The following DMD variants were observed in gnomAD, a reference collection of about 807,000 sequenced individuals.
DMD encodes the protein mutant dystrophin.
Under a neutral mutation model 330.1 loss-of-function variants are expected in DMD, and 63 were observed. That is an observed-to-expected ratio of 0.19 (90% confidence interval 0.16 to 0.24). DMD has a LOEUF of 0.24. Ranked by LOEUF, DMD falls within the 10% of genes least tolerant of loss-of-function variation. DMD has a pLI of 1.00. For synonymous variants in DMD, 1,223 were observed against 959.8 expected, an observed-to-expected ratio of 1.27 and a Z score of -5.07; for missense variants, 3,344 against 2,684.1, an observed-to-expected ratio of 1.25 and a Z score of -5.43.
intron 54 of DMD, among the ~76,000 whole-genome samples, chrX:31,631,110 G>T (rs1042949959): frequency 2.7e-5 from 3 of 111,315 alleles, no homozygotes; most frequent in Non-Finnish European, 3.8e-5. Context: ...AAATTCCCAG[G>T]CCTCAGCCTA....
chrX:31,828,663 CA>C (rs147580367), intron 49 of DMD, among the ~76,000 whole-genome samples: 9,367 of 65,967 alleles, frequency 0.14, 429 homozygotes, highest in East Asian at 0.2. Flanking sequence ...AACTCCATCT[CA>C]AAAAAAAAAA....
chrX:32,635,275 T>C (rs148390241), intron 11 of DMD, among the ~76,000 whole-genome samples: 1 of 111,525 alleles, frequency 9.0e-6, no homozygotes, highest in Non-Finnish European at 1.9e-5. Flanking sequence ...CTTCTGTGCC[T>C]CTTTCTGTGA....
chrX:32,029,083 G>A (rs769194438), intron 44 of DMD, among the ~76,000 whole-genome samples: 1 of 110,661 alleles, frequency 9.0e-6, no homozygotes, highest in South Asian at 3.8e-4. Flanking sequence ...TGAGGTTCAC[G>A]GATAGTAAAT....
At chrX:31,355,787 C>T (rs1394698805) in intron 60 of DMD, among the ~76,000 whole-genome samples, 5 of 109,605 alleles carry the variant, frequency 4.6e-5, no homozygotes, top group Non-Finnish European at 9.5e-5. Flanking sequence ...AGTTAAAATC[C>T]TTTTAACTAA....
intron 26 of DMD, among the ~76,000 whole-genome samples, chrX:32,449,770 C>A (rs187354726): frequency 4.5e-5 from 5 of 110,452 alleles, no homozygotes; most frequent in Non-Finnish European, 9.5e-5. Flanking sequence ...CACATACACA[C>A]TGTATCTTTA....
intron 44 of DMD, among the ~76,000 whole-genome samples, chrX:32,205,619 G>A (rs1190463426): frequency 8.9e-6 from 1 of 111,833 alleles, no homozygotes; most frequent in East Asian, 2.8e-4. Flanking sequence ...TGGATTATAT[G>A]TGAATAGGTT....
At chrX:32,333,011 G>C (rs980004404) in intron 41 of DMD, among the ~76,000 whole-genome samples, 16 of 111,439 alleles carry the variant, frequency 1.4e-4, no homozygotes, top group Non-Finnish European at 2.6e-4. Context: ...TTCAGCATTA[G>C]AGAAGTAGGT....
At chrX:31,879,733 C>T (rs1286954169) in intron 47 of DMD, among the ~76,000 whole-genome samples, 3 of 111,308 alleles carry the variant, frequency 2.7e-5, no homozygotes, top group Admixed American at 1.9e-4. Flanking sequence ...TTCCAGGAAT[C>T]GAGAGTATTC....
chrX:32,186,821 G>A (rs1432375582), intron 44 of DMD, among the ~76,000 whole-genome samples: 2 of 110,834 alleles, frequency 1.8e-5, no homozygotes, highest in Admixed American at 9.7e-5. Flanking sequence ...TGAACGTTGA[G>A]TGGGGCAATT....
chrX:31,310,306 C>T (rs1458657669), intron 62 of DMD, among the ~76,000 whole-genome samples: 1 of 107,727 alleles, frequency 9.3e-6, no homozygotes, highest in Non-Finnish European at 1.9e-5. Flanking sequence ...TAATTGGATG[C>T]ATAAAGATAT....
chrX:32,580,512 G>C (rs1452336982), intron 13 of DMD, among the ~76,000 whole-genome samples: 3 of 111,760 alleles, frequency 2.7e-5, no homozygotes, highest in Non-Finnish European at 3.8e-5. Flanking sequence ...GACTCTCCTA[G>C]ACAGGTAACT....
rs2031977252 is a variant in DMD, at chrX:31,119,555, T to C, written c.*2364A>G. ...ATTAATTATGCTTAAAATGCAGCAA[T>C]AAAGCTCTCAATTTTTGTTCAAATA... On this transcript the variant is annotated 3_prime_UTR_variant, in exon 79 of 79. Transcript: ENST00000357033. 8.9e-6 allele frequency: 1 copy of C among 112,405 alleles called. No homozygotes were observed. Among genetic ancestry groups the C allele is most frequent in the African/African-American group, 3.2e-5 (1 of 30,930 alleles). The allele number at this position is 112,405 out of a possible 1,213,427, so 9.3% of individuals were successfully genotyped here. A position where few individuals can be genotyped will look rare whatever the true frequency, so the allele number is the denominator to read the frequency against.
At chrX:31,390,639 C>A (rs764108619) in intron 60 of DMD, among the ~76,000 whole-genome samples, 20 of 111,268 alleles carry the variant, frequency 1.8e-4, no homozygotes, top group Non-Finnish European at 3.4e-4. Context: ...GATTTTGTCT[C>A]GAAAATACAT....
intron 57 of DMD, among the ~76,000 whole-genome samples, chrX:31,481,067 C>T (rs944886816): frequency 8.9e-6 from 1 of 112,067 alleles, no homozygotes; most frequent in Non-Finnish European, 1.9e-5. Flanking sequence ...TGGTATGTAT[C>T]GGAATCTCAA....
intron 29 of DMD, 45 bp from the exon 30 acceptor site, chrX:32,411,958 G>C (rs775102791): frequency 8.4e-7 from 1 of 1,196,111 alleles, no homozygotes; most frequent in Non-Finnish European, 1.1e-6. Flanking sequence ...GTTTACTCTT[G>C]ATAGCTTTTC....
chrX:31,413,038 G>C (rs6527086), intron 60 of DMD, among the ~76,000 whole-genome samples: 1 of 110,635 alleles, frequency 9.0e-6, no homozygotes, highest in Non-Finnish European at 1.9e-5. Flanking sequence ...TATAACCATC[G>C]CTATACCTTT....
Position 32,983,528 on chromosome X carries a change from TACACACAC to T in DMD, c.93+36603_93+36610del, listed in dbSNP as rs561986393. 6.4e-4 allele frequency among the ~76,000 whole-genome samples: 47 copies of T among 73,562 alleles called. 1 individual carries two copies. The highest frequency in any genetic ancestry group is 4.2e-3 in the East Asian group (9 of 2,139). 63.9% of individuals were successfully genotyped at this position (73,562 alleles called of 115,157 possible). The stretch of plus-strand genomic sequence containing the variant: ...TGTGATGAAACTGTACAGAACTAAA[TACACACAC>T]ACACACACACACACACACACACACA... On this transcript the variant is annotated intron_variant, in intron 2 of 78. Transcript: ENST00000357033.
At chrX:32,759,042 ACTAT>A (rs199638524) in intron 7 of DMD, among the ~76,000 whole-genome samples, 2 of 108,778 alleles carry the variant, frequency 1.8e-5, no homozygotes, top group African/African-American at 6.8e-5. Flanking sequence ...TCCAATTCTA[ACTAT>A]CTTTAAGTTT....
intron 43 of DMD, among the ~76,000 whole-genome samples, chrX:32,269,241 C>A (rs2097356481): frequency 9.0e-6 from 1 of 111,074 alleles, no homozygotes; most frequent in African/African-American, 3.3e-5. Context: ...CAAGTGTCAG[C>A]AGACCACTGT....
Sources: gnomAD v4.1 joint callset for allele counts (sites outside exome capture counted in the v4.1 genomes callset) on GRCh38, gnomAD v4.1.1 for gene constraint, MANE v1.5 for transcripts, NCBI Gene and HGNC (gene_info 2026-07-23, HGNC 2026-07-21) for gene names.